The following PTPRD variants were observed in gnomAD, a reference collection of about 807,000 sequenced individuals.
PTPRD encodes protein tyrosine phosphatase receptor type D.
Under a neutral mutation model 214.5 loss-of-function variants are expected in PTPRD, and 34 were observed. That is an observed-to-expected ratio of 0.16 (90% CI 0.12 to 0.21). The LOEUF (loss-of-function observed/expected upper bound fraction) is 0.21, where lower values mean the gene tolerates loss of function less well. Ranked by LOEUF, PTPRD falls within the 10% of genes least tolerant of loss-of-function variation. The probability of loss-of-function intolerance (pLI) is 1.00; values close to 1 mark genes in which losing one functional copy is unlikely to be tolerated. For synonymous variants in PTPRD, 1,128 were observed against 845.7 expected (o/e 1.33, Z -5.79); for missense variants, 2,545 against 2,398.7 (o/e 1.06, Z -1.27).
At chr9:9,593,697 C>T (rs1429382805) in intron 7 of PTPRD, among the ~76,000 whole-genome samples, 2 of 151,852 alleles carry the variant, frequency 1.3e-5, no homozygotes. Flanking sequence ...TAGGGGAGAA[C>T]CAAAGTAAAG....
At chr9:8,978,553 T>A (rs1162101098) in intron 11 of PTPRD, among the ~76,000 whole-genome samples, 1 of 152,076 alleles carries the variant, frequency 6.6e-6, no homozygotes, top group Non-Finnish European at 1.5e-5. Flanking sequence ...CCTATCAGAG[T>A]TAGCTGGTGA....
chr9:8,669,009 G>A (rs2097223112), intron 12 of PTPRD, among the ~76,000 whole-genome samples: 1 of 152,098 alleles, frequency 6.6e-6, no homozygotes, highest in South Asian at 2.1e-4. Flanking sequence ...GAGGAGCACT[G>A]AACAGCTTTG....
intron 2 of PTPRD, among the ~76,000 whole-genome samples, chr9:10,462,656 A>G (rs1216590931): frequency 6.6e-6 from 1 of 152,096 alleles, no homozygotes; most frequent in Admixed American, 6.6e-5. Context: ...CCCTTTCTGA[A>G]CAGTGAGAGT....
Position 8,341,077 on chromosome 9 carries a change from C to G in PTPRD, c.5126+13G>C. 6.4e-7 allele frequency: 1 copy of G among 1,566,364 alleles called. No individual in the cohort carries two copies. Among genetic ancestry groups the G allele is most frequent in the Non-Finnish European group, 8.6e-7 (1 of 1,156,790 alleles). ...TCAAGGCTTTGGATAGTCAGGGGAG[C>G]AAAAGTAGATACCTGTATCCATCAA... is the stretch of plus-strand genomic sequence containing the variant. On this transcript the variant is annotated intron_variant, in intron 41 of 45. Coordinates refer to ENST00000381196, the MANE Select transcript of PTPRD (RefSeq NM_002839.4).
rs73420414 is a variant in PTPRD at position 8,398,525 on chromosome 9, A to T, written c.4210+6012T>A. 6.0e-3 allele frequency among the ~76,000 whole-genome samples: 917 copies of T among 152,308 alleles called. 10 individuals carry two copies. The highest frequency in any genetic ancestry group is 0.021 in the African/African-American group (892 of 41,574). ...AAAAATAACACACTGCTCTGATCAG[A>T]ATGTGTTCCCGTAAATTCATATGTT... On this transcript the variant is annotated intron_variant, in intron 36 of 45. Transcript: ENST00000381196.
At chr9:9,891,679 T>C (rs1015230879) in intron 5 of PTPRD, among the ~76,000 whole-genome samples, 3 of 152,070 alleles carry the variant, frequency 2.0e-5, no homozygotes, top group African/African-American at 7.2e-5. Context: ...AGATCACTGG[T>C]CAAATATACA....
intron 9 of PTPRD, among the ~76,000 whole-genome samples, chr9:9,338,762 A>C (rs769136169): frequency 1.3e-5 from 2 of 152,144 alleles, no homozygotes; most frequent in Admixed American, 6.5e-5. Flanking sequence ...TTACATAGGT[A>C]TACACATGCC....
chr9:8,889,024 A>C (rs1185484327), intron 11 of PTPRD, among the ~76,000 whole-genome samples: 1 of 152,218 alleles, frequency 6.6e-6, no homozygotes, highest in Non-Finnish European at 1.5e-5. Context: ...CAAGATATTA[A>C]ATAATAAGGA....
intron 6 of PTPRD, among the ~76,000 whole-genome samples, chr9:9,757,135 C>T (rs190558150): frequency 3.3e-5 from 5 of 152,152 alleles, no homozygotes; most frequent in South Asian, 2.1e-4. Flanking sequence ...GGCAGTTTAC[C>T]GAGATTCCCT....
At chr9:8,705,028 T>C (rs1335705956) in intron 12 of PTPRD, among the ~76,000 whole-genome samples, 1 of 152,138 alleles carries the variant, frequency 6.6e-6, no homozygotes, top group East Asian at 1.9e-4. Flanking sequence ...ATTCATCATA[T>C]CCATGTAAAA....
chr9:10,086,092 A>C (rs1336919222), intron 3 of PTPRD, among the ~76,000 whole-genome samples: 2 of 151,840 alleles, frequency 1.3e-5, no homozygotes, highest in African/African-American at 2.4e-5. Flanking sequence ...ATCTGACTAT[A>C]AATGTGTAAG....
At chr9:9,558,905 A>G (rs2082187391) in intron 8 of PTPRD, among the ~76,000 whole-genome samples, 1 of 152,140 alleles carries the variant, frequency 6.6e-6, no homozygotes, top group South Asian at 2.1e-4. Context: ...CCAAGGCCTT[A>G]TGTTGCATTA....
intron 44 of PTPRD, among the ~76,000 whole-genome samples, chr9:8,326,181 A>G (rs577172923): frequency 2.6e-5 from 4 of 152,304 alleles, no homozygotes; most frequent in Admixed American, 2.0e-4. Context: ...GTTTTTGCCC[A>G]TTCTGTAGGA....
chr9:8,417,181 T>A (rs898365518), intron 35 of PTPRD, among the ~76,000 whole-genome samples: 14 of 152,136 alleles, frequency 9.2e-5, no homozygotes, highest in African/African-American at 3.4e-4. Flanking sequence ...CTATAATATA[T>A]CGTTAGATTC....
chr9:8,654,527 T>C (rs1316944777), intron 12 of PTPRD, among the ~76,000 whole-genome samples: 3 of 152,214 alleles, frequency 2.0e-5, no homozygotes, highest in African/African-American at 7.2e-5. Flanking sequence ...GAAATACTTA[T>C]GAATTAGGCA....
intron 5 of PTPRD, among the ~76,000 whole-genome samples, chr9:9,824,687 T>C (rs2052066944): frequency 2.0e-5 from 3 of 151,996 alleles, no homozygotes; most frequent in Admixed American, 1.3e-4. Flanking sequence ...TTTTTATTGT[T>C]AGGAATCAGA....
chr9:9,567,975 G>T (rs1429880919), intron 8 of PTPRD, among the ~76,000 whole-genome samples: 1 of 151,584 alleles, frequency 6.6e-6, no homozygotes, highest in African/African-American at 2.4e-5. Context: ...GGTATCTCGT[G>T]CCTAGATATG....
At chr9:9,160,065 A>C (rs866504332) in intron 10 of PTPRD, among the ~76,000 whole-genome samples, 1 of 152,178 alleles carries the variant, frequency 6.6e-6, no homozygotes, top group African/African-American at 2.4e-5. Flanking sequence ...AATGGATTAA[A>C]GATTTAAATG....
intron 35 of PTPRD, among the ~76,000 whole-genome samples, chr9:8,426,797 GTT>G (rs58151324): frequency 0.2 from 28,556 of 143,850 alleles, 3,500 homozygotes; most frequent in East Asian, 0.54. Flanking sequence ...AATGTCTGAG[GTT>G]TTTTTTTTTT....
Sources: gnomAD v4.1 joint callset for allele counts (sites outside exome capture counted in the v4.1 genomes callset) on GRCh38, gnomAD v4.1.1 for gene constraint, MANE v1.5 for transcripts, NCBI Gene and HGNC (gene_info 2026-07-23, HGNC 2026-07-21) for gene names.